COP1: variants seen among roughly 807,000 people sequenced by gnomAD.
COP1 encodes COP1 E3 ubiquitin ligase.
COP1 carries 24 observed loss-of-function variants against 101.3 expected under a neutral mutation model. The ratio of observed to expected loss-of-function variants is 0.24; its 90% CI spans 0.17 to 0.33. The LOEUF is 0.33. COP1 is among the 10% of genes least tolerant of loss of function. The probability of loss-of-function intolerance (pLI) is 1.00; values close to 1 mark genes in which losing one functional copy is unlikely to be tolerated. For missense variants in COP1, 663 were observed against 906.2 expected, an observed-to-expected ratio of 0.73 and a Z score of 3.45; for synonymous variants, 347 against 341.9, an observed-to-expected ratio of 1.01 and a Z score of -0.17.
chr1:176,165,796 G>A (rs1695045304), intron 3 of COP1, among the ~76,000 whole-genome samples: 1 of 152,204 alleles, frequency 6.6e-6, no homozygotes, highest in African/African-American at 2.4e-5. Flanking sequence ...GCCTGGAAAT[G>A]TAGGCAGATC....
intron 1 of COP1, among the ~76,000 whole-genome samples, chr1:176,187,196 C>T (rs556700997): frequency 6.6e-6 from 1 of 152,172 alleles, no homozygotes; most frequent in East Asian, 1.9e-4. Context: ...ATGATCATGA[C>T]TCACTGCAAC....
chr1:175,968,404 C>G (rs4534339), intron 18 of COP1: 3 of 515,428 alleles, frequency 5.8e-6, no homozygotes, highest in Non-Finnish European at 1.2e-5. Flanking sequence ...AAAGGCTGTA[C>G]GGAGGGGAAC....
intron 11 of COP1, among the ~76,000 whole-genome samples, chr1:176,058,065 C>T (rs1473896974): frequency 6.8e-6 from 1 of 147,450 alleles, no homozygotes; most frequent in Admixed American, 6.7e-5. Context: ...CCGGCAGCCG[C>T]CCCGGCCGGG....
chr1:175,991,688 C>T (rs963991499), intron 15 of COP1, among the ~76,000 whole-genome samples: 2 of 152,182 alleles, frequency 1.3e-5, no homozygotes, highest in Non-Finnish European at 2.9e-5. Context: ...TTCCTTTTTA[C>T]ATTTCCTTAT....
At chr1:175,961,748 G>C (rs1333245211) in intron 18 of COP1, among the ~76,000 whole-genome samples, 2 of 150,200 alleles carry the variant, frequency 1.3e-5, no homozygotes, top group Non-Finnish European at 3.0e-5. Context: ...AGGGGCAACT[G>C]AAGAAGTAAG....
chr1:176,051,673 TG>T (rs1672587925), intron 11 of COP1, among the ~76,000 whole-genome samples: 1 of 152,156 alleles, frequency 6.6e-6, no homozygotes, highest in African/African-American at 2.4e-5. Flanking sequence ...CAGCTCCATG[TG>T]TGTTACTGGC....
At chr1:176,076,924 A>G (rs1678139618) in intron 11 of COP1, among the ~76,000 whole-genome samples, 1 of 152,192 alleles carries the variant, frequency 6.6e-6, no homozygotes, top group Admixed American at 6.5e-5. Flanking sequence ...ACAATAAGAA[A>G]GTGAAAATCT....
chr1:175,950,872 T>C (rs748749168), intron 18 of COP1, among the ~76,000 whole-genome samples: 6 of 151,968 alleles, frequency 3.9e-5, no homozygotes, highest in Non-Finnish European at 8.8e-5. Context: ...GTAGCACACG[T>C]AGGCTAGTGA....
intron 15 of COP1, among the ~76,000 whole-genome samples, chr1:176,013,718 GAC>G (rs1329547301): frequency 6.6e-6 from 1 of 152,106 alleles, no homozygotes; most frequent in Non-Finnish European, 1.5e-5. Flanking sequence ...TATACAAAAG[GAC>G]CTTTTATAGC....
At chr1:176,040,137 A>T (rs1670261074) in intron 14 of COP1, among the ~76,000 whole-genome samples, 1 of 152,166 alleles carries the variant, frequency 6.6e-6, no homozygotes, top group Non-Finnish European at 1.5e-5. Context: ...GCATTAAAGA[A>T]CACTATAAAA....
At position 176,000,468 on chromosome 1, in the gene COP1, A is replaced by T. The variant is rs535683141; in HGVS notation, c.1730-10989T>A. ...GAATTGTTTACACTAGTATCACTGT[A>T]AACATGTGAGTAATGTCTGCACTAT... On this transcript the variant is annotated intron_variant, in intron 15 of 19. Coordinates refer to ENST00000367669, the MANE Select transcript of COP1 (RefSeq NM_022457.7). Among the ~76,000 whole-genome samples the T allele has an allele frequency of 1.9e-3, 296 of 152,180 alleles. 11 individuals are homozygous for T. The South Asian group carries it at 0.059, about 30-fold the overall frequency.
At chr1:176,091,348 A>G (rs1001690986) in intron 9 of COP1, among the ~76,000 whole-genome samples, 6 of 150,930 alleles carry the variant, frequency 4.0e-5, no homozygotes, top group Non-Finnish European at 7.4e-5. Context: ...TCCGTCTCAA[A>G]AAAAAAAAAA....
In COP1 at chr1:176,166,125, ATTTT is replaced by A. The variant is rs566125247; in HGVS notation, c.566-2238_566-2235del. Among the ~76,000 whole-genome samples, 1,011 of 152,110 alleles carry A rather than the reference ATTTT, an allele frequency of 6.6e-3. 9 individuals carry two copies. Among genetic ancestry groups the A allele is most frequent in the African/African-American group, 0.023 (958 of 41,476 alleles). On this transcript the variant is annotated intron_variant, in intron 3 of 19. Coordinates refer to ENST00000367669, the MANE Select transcript of COP1 (RefSeq NM_022457.7). ...CTAAAGATCAAGCCTGTATTTATTT[ATTTT>A]ATTTATTTATTTATTGAGACAGGGT...
intron 18 of COP1, among the ~76,000 whole-genome samples, chr1:175,976,487 A>G (rs965130209): frequency 1.3e-5 from 2 of 151,902 alleles, no homozygotes; most frequent in South Asian, 2.1e-4. Context: ...CATGTTGGGC[A>G]GGCTGGTCTC....
At position 175,992,423 on chromosome 1, in the gene COP1, C is replaced by T. The variant is rs541760673; in HGVS notation, c.1730-2944G>A. On this transcript the variant is annotated intron_variant, in intron 15 of 19. Transcript: ENST00000367669. ...GAGAGTGGGTGCAGCGCACCGTGCG[C>T]GAGCCAAAGCAGGGTGAGGCATTGC... is the stretch of plus-strand genomic sequence containing the variant. Among the ~76,000 whole-genome samples the T allele has an allele frequency of 3.0e-3, 457 of 152,248 alleles. 1 individual carries two copies. The highest frequency in any genetic ancestry group is 0.01 in the South Asian group (49 of 4,826).
At chr1:176,090,003 A>AC (rs887027071) in intron 9 of COP1, among the ~76,000 whole-genome samples, 2 of 152,212 alleles carry the variant, frequency 1.3e-5, no homozygotes, top group Admixed American at 1.3e-4. Flanking sequence ...TAATTAGGAA[A>AC]CATTTACCAT....
intron 18 of COP1, among the ~76,000 whole-genome samples, chr1:175,953,905 CAATAACCATAT>C (rs1650279198): frequency 6.6e-6 from 1 of 152,000 alleles, no homozygotes; most frequent in African/African-American, 2.4e-5. Flanking sequence ...GAGAGAAAAT[CAATAACCATAT>C]AAAAGACTTA....
chr1:176,201,597 T>G (rs1700263245), intron 1 of COP1, among the ~76,000 whole-genome samples: 1 of 152,246 alleles, frequency 6.6e-6, no homozygotes, highest in South Asian at 2.1e-4. Flanking sequence ...GAACTACTAT[T>G]GCACAAGTAC....
chr1:176,053,969 T>C (rs1162914036), intron 11 of COP1, among the ~76,000 whole-genome samples: 1 of 152,182 alleles, frequency 6.6e-6, no homozygotes, highest in Admixed American at 6.5e-5. Context: ...AGAAAAAACA[T>C]GCAACCATGT....
Sources: allele counts gnomAD v4.1 joint callset (sites outside exome capture counted in the v4.1 genomes callset), GRCh38; gene constraint gnomAD v4.1.1; transcripts MANE v1.5; gene names NCBI Gene and HGNC (gene_info 2026-07-23, HGNC 2026-07-21).